RPS6KB1: variants seen among roughly 807,000 people sequenced by gnomAD.
RPS6KB1 encodes ribosomal protein S6 kinase beta-1.
RPS6KB1 carries 12 observed loss-of-function variants against 70.2 expected under a neutral mutation model. The ratio of observed to expected loss-of-function variants is 0.17; its 90% CI spans 0.11 to 0.28. RPS6KB1 has a LOEUF of 0.28. Among genes scored for constraint, RPS6KB1 ranks in the 10% least tolerant of loss-of-function variants. The pLI, the probability that RPS6KB1 is intolerant of heterozygous loss-of-function variation, is 1.00. For missense variants in RPS6KB1, 270 were observed against 646.6 expected (o/e 0.42, Z 6.32); for synonymous variants, 175 against 211.2 (o/e 0.83, Z 1.49).
At chr17:59,898,965 G>T (rs1230705633) in intron 1 of RPS6KB1, among the ~76,000 whole-genome samples, 1 of 151,612 alleles carries the variant, frequency 6.6e-6, no homozygotes, top group African/African-American at 2.4e-5. Flanking sequence ...CACTTTGGGA[G>T]GCCAAGGTGG....
At chr17:59,939,746 A>G (rs1361113252) in intron 12 of RPS6KB1, among the ~76,000 whole-genome samples, 1 of 152,154 alleles carries the variant, frequency 6.6e-6, no homozygotes. Context: ...TATCTTGTAC[A>G]TTTTCCCCAC....
At chr17:59,901,015 C>T (rs2041903780) in intron 1 of RPS6KB1, among the ~76,000 whole-genome samples, 5 of 151,500 alleles carry the variant, frequency 3.3e-5, no homozygotes, top group Admixed American at 3.3e-4. Context: ...TACAAAAATA[C>T]CCAGGCGTGG....
intron 3 of RPS6KB1, among the ~76,000 whole-genome samples, chr17:59,913,530 T>C (rs1325347352): frequency 1.3e-5 from 2 of 152,152 alleles, no homozygotes; most frequent in African/African-American, 4.8e-5. Context: ...GTTTTAGGTG[T>C]TGCATGAAAA....
chr17:59,897,964 CAA>C (rs1469872753), intron 1 of RPS6KB1, among the ~76,000 whole-genome samples: 22 of 76,274 alleles, frequency 2.9e-4, no homozygotes, highest in Admixed American at 4.6e-4. Context: ...GATTCCGTCT[CAA>C]AAAAAAAAAA....
At chr17:59,936,793 C>CA (rs1435968116) in intron 12 of RPS6KB1, among the ~76,000 whole-genome samples, 2 of 152,170 alleles carry the variant, frequency 1.3e-5, no homozygotes, top group African/African-American at 2.4e-5. Flanking sequence ...AGAAAAATCT[C>CA]AGAGCAGACA....
At chr17:59,938,190 G>C (rs1317460928) in intron 12 of RPS6KB1, among the ~76,000 whole-genome samples, 1 of 143,232 alleles carries the variant, frequency 7.0e-6, no homozygotes, top group African/African-American at 2.6e-5. Context: ...TTTTTGGGGG[G>C]GGGATAGGGT....
chr17:59,932,094 A>G (rs1479969035), intron 7 of RPS6KB1, among the ~76,000 whole-genome samples: 2 of 152,114 alleles, frequency 1.3e-5, no homozygotes, highest in Admixed American at 1.3e-4. Flanking sequence ...ATATAAGTTG[A>G]GTTTTAATAA....
intron 4 of RPS6KB1, 51 bp from the exon 5 acceptor site, chr17:59,926,384 G>C: frequency 7.8e-7 from 1 of 1,281,126 alleles, no homozygotes. Context: ...ATAGATTATA[G>C]AATAAAAATG....
At chr17:59,916,034 C>T (rs969871691) in intron 4 of RPS6KB1, among the ~76,000 whole-genome samples, 1 of 152,082 alleles carries the variant, frequency 6.6e-6, no homozygotes, top group Non-Finnish European at 1.5e-5. Context: ...GCCTTGGCCT[C>T]CCAAAGTGCT....
At chr17:59,903,430 G>T (rs1159265885) in intron 1 of RPS6KB1, among the ~76,000 whole-genome samples, 1 of 151,996 alleles carries the variant, frequency 6.6e-6, no homozygotes, top group African/African-American at 2.4e-5. Context: ...AGCCATGATC[G>T]CACCACTGCA....
At chr17:59,900,238 G>A (rs935751338) in intron 1 of RPS6KB1, among the ~76,000 whole-genome samples, 1 of 130,702 alleles carries the variant, frequency 7.7e-6, no homozygotes, top group African/African-American at 2.8e-5. Flanking sequence ...ACACCCCTAT[G>A]TGTTTTTGTT....
chr17:59,906,433 C>T (rs955436690), intron 1 of RPS6KB1, among the ~76,000 whole-genome samples: 5 of 151,864 alleles, frequency 3.3e-5, no homozygotes, highest in African/African-American at 2.4e-5. Flanking sequence ...GGCGCGATCT[C>T]GGCTCACTGC....
chr17:59,902,243 C>T (rs1334142847), intron 1 of RPS6KB1, among the ~76,000 whole-genome samples: 2 of 151,044 alleles, frequency 1.3e-5, no homozygotes, highest in African/African-American at 4.9e-5. Context: ...TAGCTGGGAC[C>T]ACAGGTGTGC....
intron 1 of RPS6KB1, among the ~76,000 whole-genome samples, chr17:59,900,080 A>G (rs1274539875): frequency 6.6e-6 from 1 of 151,804 alleles, no homozygotes; most frequent in Non-Finnish European, 1.5e-5. Context: ...GGCTGAGAAG[A>G]GATGATCACT....
chr17:59,904,552 C>A (rs1229083053), intron 1 of RPS6KB1, among the ~76,000 whole-genome samples: 1 of 150,062 alleles, frequency 6.7e-6, no homozygotes, highest in Non-Finnish European at 1.5e-5. Context: ...CATCACCACG[C>A]CCAGCTAGTT....
At chr17:59,937,809 G>A (rs1346633902) in intron 12 of RPS6KB1, among the ~76,000 whole-genome samples, 1 of 152,184 alleles carries the variant, frequency 6.6e-6, no homozygotes, top group Non-Finnish European at 1.5e-5. Context: ...TTTTGGGGGT[G>A]GGTAAGGCAC....
intron 5 of RPS6KB1, 128 bp downstream of exon 5, chr17:59,926,710 G>A (rs1458842161): frequency 1.0e-5 from 7 of 680,512 alleles, no homozygotes; most frequent in Non-Finnish European, 1.4e-5. Flanking sequence ...TGAGTACACT[G>A]AAGTACAAAA....
At chr17:59,938,185 G>GC (rs376954392) in intron 12 of RPS6KB1, among the ~76,000 whole-genome samples, 968 of 84,868 alleles carry the variant, frequency 0.011, 21 homozygotes, top group African/African-American at 0.037. Context: ...TTTTTTTTTT[G>GC]GGGGGGGGAT....
rs868367862 is a variant in RPS6KB1 at position 59,910,738 on chromosome 17, C to T, written c.191+127C>T. Reference sequence around the variant, plus strand: ...AAATATGTAGTCATATTTATCAACTCGATGTATTGAATTTGGCACCAAAAT... The same window carrying T: ...AAATATGTAGTCATATTTATCAACTTGATGTATTGAATTTGGCACCAAAAT... On this transcript the variant is annotated intron_variant, in intron 2 of 14. Transcript: ENST00000225577. 1.7e-4 allele frequency: 108 copies of T among 625,586 alleles called. No individual in the cohort carries two copies. In the African/African-American group the frequency reaches 1.8e-3, roughly 10 times the overall value. 38.8% of individuals were successfully genotyped at this position (625,586 alleles called of 1,614,324 possible).
Sources: gnomAD v4.1 joint callset for allele counts (sites outside exome capture counted in the v4.1 genomes callset) on GRCh38, gnomAD v4.1.1 for gene constraint, MANE v1.5 for transcripts, NCBI Gene and HGNC (gene_info 2026-07-23, HGNC 2026-07-21) for gene names.